The following IFT74 variants were observed in gnomAD, a reference collection of about 807,000 sequenced individuals.
IFT74 encodes the protein intraflagellar transport 74, also known as intraflagellar transport protein 74 homolog.
In IFT74, 92 loss-of-function variants were observed where a neutral mutation model predicts 96.7. The ratio of observed to expected loss-of-function variants is 0.95; its 90% CI spans 0.80 to 1.13. IFT74 has a LOEUF of 1.13. Ranked by LOEUF, IFT74 falls within the 50% of genes most tolerant of loss-of-function variation. The pLI, the probability that IFT74 is intolerant of heterozygous loss-of-function variation, is 0.00. For missense variants in IFT74, 811 were observed against 698.2 expected, an observed-to-expected ratio of 1.16 and a Z score of -1.82; for synonymous variants, 223 against 213.2, an observed-to-expected ratio of 1.05 and a Z score of -0.40.
intron 8 of IFT74, 35 bp from the exon 9 acceptor site, chr9:27,008,985 A>T: frequency 6.4e-7 from 1 of 1,552,488 alleles, no homozygotes; most frequent in Middle Eastern, 1.9e-4. Flanking sequence ...TTTCCTCAAT[A>T]TAGTATCAGG....
intron 8 of IFT74, among the ~76,000 whole-genome samples, 166 bp downstream of exon 8, chr9:26,990,361 A>T (rs547813642): frequency 3.3e-5 from 5 of 152,258 alleles, no homozygotes; most frequent in African/African-American, 1.2e-4. Context: ...TGTTATCTTC[A>T]TTTACCATTA....
intron 6 of IFT74, among the ~76,000 whole-genome samples, chr9:26,985,303 C>G (rs578164872): frequency 6.6e-6 from 1 of 152,072 alleles, no homozygotes; most frequent in South Asian, 2.1e-4. Context: ...AGTTTGGAGG[C>G]TGGAAGGAGG....
At position 27,042,419 on chromosome 9, in the gene IFT74, T is replaced by C. The variant is rs544176020; in HGVS notation, c.1055-2323T>C. 1.2e-4 allele frequency among the ~76,000 whole-genome samples: 18 copies of C among 151,776 alleles called. No homozygotes were observed. In the South Asian group the frequency reaches 1.9e-3, roughly 16 times the overall value. ...CCCCGCAAAAAGCAAAAATAAAACATAGAGGAAAACAAAGAAAATTGAAAA... is the reference window on the plus strand; with the variant it reads ...CCCCGCAAAAAGCAAAAATAAAACACAGAGGAAAACAAAGAAAATTGAAAA... On this transcript the variant is annotated intron_variant, in intron 13 of 19. Coordinates refer to ENST00000380062, the MANE Select transcript of IFT74 (RefSeq NM_025103.4).
chr9:27,021,114 A>G (rs1009582776), intron 12 of IFT74, among the ~76,000 whole-genome samples: 1 of 152,212 alleles, frequency 6.6e-6, no homozygotes, highest in Middle Eastern at 3.4e-3. Context: ...GTTCCTTTTT[A>G]TGGCTGAGTA....
intron 13 of IFT74, among the ~76,000 whole-genome samples, chr9:27,032,001 T>C (rs937471309): frequency 2.0e-5 from 3 of 152,092 alleles, no homozygotes; most frequent in Non-Finnish European, 4.4e-5. Flanking sequence ...TGTGAGCCAC[T>C]GTGCCTGGTG....
At chr9:26,995,063 T>TA (rs752854349) in intron 8 of IFT74, 1 of 152,390 alleles carries the variant, frequency 6.6e-6, no homozygotes, top group Non-Finnish European at 1.5e-5. Context: ...TCTGGGAGCA[T>TA]AAAATCAATC....
intron 13 of IFT74, among the ~76,000 whole-genome samples, chr9:27,031,298 C>T (rs1830110516): frequency 6.6e-6 from 1 of 151,094 alleles, no homozygotes; most frequent in African/African-American, 2.5e-5. Context: ...AACCCTGTCT[C>T]TACTAAAAAA....
chr9:26,989,536 T>C (rs1273203326), intron 7 of IFT74, among the ~76,000 whole-genome samples: 1 of 152,184 alleles, frequency 6.6e-6, no homozygotes, highest in East Asian at 1.9e-4. Flanking sequence ...TATGAAGACA[T>C]AGGATTGATA....
chr9:26,987,734 C>T (rs1827698064), intron 6 of IFT74, among the ~76,000 whole-genome samples: 2 of 152,142 alleles, frequency 1.3e-5, no homozygotes, highest in Non-Finnish European at 1.5e-5. Flanking sequence ...ATCATATCTA[C>T]TTCATACAGT....
intron 12 of IFT74, among the ~76,000 whole-genome samples, chr9:27,026,609 A>G (rs1829870538): frequency 6.6e-6 from 1 of 152,194 alleles, no homozygotes; most frequent in Non-Finnish European, 1.5e-5. Context: ...AAGAAAATCA[A>G]AATTATATCA....
At chr9:26,997,297 C>G (rs1828209650) in intron 8 of IFT74, among the ~76,000 whole-genome samples, 2 of 150,456 alleles carry the variant, frequency 1.3e-5, no homozygotes, top group African/African-American at 4.9e-5. Context: ...AGTGTTTCTT[C>G]CTGTTTTGCT....
At chr9:27,045,856 AT>A (rs1819677516) in intron 14 of IFT74, among the ~76,000 whole-genome samples, 2 of 152,230 alleles carry the variant, frequency 1.3e-5, no homozygotes, top group Admixed American at 1.3e-4. Context: ...TCTCAAAAAT[AT>A]TTTTTTAAGT....
At chr9:26,957,478 C>T (rs1433190917) in intron 1 of IFT74, among the ~76,000 whole-genome samples, 1 of 152,102 alleles carries the variant, frequency 6.6e-6, no homozygotes, top group Admixed American at 6.5e-5. Context: ...ACATAGAGTT[C>T]AAAATGGCAA....
chr9:27,047,944 A>G (rs1819764458), intron 15 of IFT74, among the ~76,000 whole-genome samples: 1 of 152,158 alleles, frequency 6.6e-6, no homozygotes, highest in South Asian at 2.1e-4. Context: ...AAAAAAACCC[A>G]CAATTTTGAA....
intron 2 of IFT74, among the ~76,000 whole-genome samples, chr9:26,973,565 C>T (rs1326675098): frequency 1.3e-5 from 2 of 152,126 alleles, no homozygotes; most frequent in African/African-American, 2.4e-5. Context: ...GTGAGGAATC[C>T]CTTAGGGCCA....
chr9:27,018,521 T>C (rs189153271), intron 11 of IFT74, 126 bp from the exon 12 acceptor site: 7 of 458,572 alleles, frequency 1.5e-5, no homozygotes, highest in Non-Finnish European at 2.4e-5. Context: ...ATCTAAAAAA[T>C]AGATTTCAAG....
rs145148555 is a variant in IFT74, at chr9:27,054,697, A to G, written c.1334-912A>G. On this transcript the variant is annotated intron_variant, in intron 16 of 19. Transcript: ENST00000380062. ...ATTTGTGGGCATGTGCAGACTCGTG[A>G]AAAATTTCAACAGCCTGACATGCAC... 9.2e-3 allele frequency among the ~76,000 whole-genome samples: 1,396 copies of G among 152,322 alleles called. 8 individuals carry two copies. Among genetic ancestry groups the G allele is most frequent in the Non-Finnish European group, 0.014 (955 of 68,020 alleles).
At chr9:26,997,103 T>A (rs1267215997) in intron 8 of IFT74, among the ~76,000 whole-genome samples, 1 of 151,240 alleles carries the variant, frequency 6.6e-6, no homozygotes, top group East Asian at 2.0e-4. Flanking sequence ...TCCCAGCTAC[T>A]GGGGAGGCTG....
rs1296162711 is a variant in IFT74, at chr9:27,056,375, T to C, written c.1539T>C (p.Asn513=). 6.3e-7 allele frequency: 1 copy of C among 1,593,752 alleles called. No individual in the cohort carries two copies. The highest frequency in any genetic ancestry group is 1.3e-5 in the African/African-American group (1 of 74,204). ...QERMILSTHR[N]AFKKIMEKQN... is the part of the protein sequence containing the mutation. ...GAATGATATTATCAACCCACAGAAA[T>C]GCCTTTAAGAAAATAATGGAGAAGC... The change falls in exon 18 of 20, where the codon AAT becomes AAC. Residue 513 remains asparagine (N), a synonymous_variant. Transcript: ENST00000380062.
Sources: allele counts gnomAD v4.1 joint callset (sites outside exome capture counted in the v4.1 genomes callset), GRCh38; gene constraint gnomAD v4.1.1; transcripts MANE v1.5; gene names NCBI Gene and HGNC (gene_info 2026-07-23, HGNC 2026-07-21).